The following BNC2 variants were observed in gnomAD, a reference collection of about 807,000 sequenced individuals.
BNC2 encodes basonuclin zinc finger protein 2.
In BNC2, 20 loss-of-function variants were observed where a neutral mutation model predicts 76.3. The ratio of observed to expected loss-of-function variants is 0.26; its 90% CI spans 0.18 to 0.38. The LOEUF (loss-of-function observed/expected upper bound fraction) is 0.38. Among genes scored for constraint, BNC2 ranks in the 10% least tolerant of loss-of-function variants. BNC2 has a pLI of 1.00. For missense variants in BNC2, 1,382 were observed against 1,399.8 expected, an observed-to-expected ratio of 0.99 and a Z score of 0.20; for synonymous variants, 582 against 514.8, an observed-to-expected ratio of 1.13 and a Z score of -1.77.
chr9:16,639,509 T>C (rs1821425339), intron 3 of BNC2, among the ~76,000 whole-genome samples: 1 of 152,200 alleles, frequency 6.6e-6, no homozygotes. Flanking sequence ...CTATTATCTT[T>C]ATGTTAGTGC....
At chr9:16,813,223 A>G (rs1818096799) in intron 1 of BNC2, among the ~76,000 whole-genome samples, 1 of 151,958 alleles carries the variant, frequency 6.6e-6, no homozygotes, top group Admixed American at 6.6e-5. Context: ...CTAAAGGTCT[A>G]TATACCCACA....
intron 1 of BNC2, among the ~76,000 whole-genome samples, chr9:16,782,104 A>G (rs1208895650): frequency 1.3e-5 from 2 of 151,920 alleles, no homozygotes; most frequent in Non-Finnish European, 1.5e-5. Flanking sequence ...GGCCAACATG[A>G]GGAAACCCCA....
At chr9:16,512,723 A>G (rs1455009338) in intron 5 of BNC2, among the ~76,000 whole-genome samples, 1 of 152,212 alleles carries the variant, frequency 6.6e-6, no homozygotes, top group Non-Finnish European at 1.5e-5. Context: ...TTTTGATATA[A>G]AAGTATCATT....
intron 3 of BNC2, among the ~76,000 whole-genome samples, chr9:16,700,718 G>C (rs1271951637): frequency 6.6e-6 from 1 of 152,094 alleles, no homozygotes; most frequent in Non-Finnish European, 1.5e-5. Context: ...CCAGCCCTTT[G>C]GGAGGCTGAT....
intron 1 of BNC2, among the ~76,000 whole-genome samples, chr9:16,811,237 A>AC (rs1554740547): frequency 6.9e-6 from 1 of 145,340 alleles, no homozygotes; most frequent in Admixed American, 6.8e-5. Context: ...GACCAAAAAA[A>AC]AAAAAAACCA....
At chr9:16,695,285 A>G (rs912785074) in intron 3 of BNC2, among the ~76,000 whole-genome samples, 12 of 152,054 alleles carry the variant, frequency 7.9e-5, no homozygotes, top group African/African-American at 2.7e-4. Flanking sequence ...TTAAAATAAT[A>G]CCATTTTCTT....
At chr9:16,503,280 G>C (rs137996649) in intron 5 of BNC2, among the ~76,000 whole-genome samples, 161 of 152,224 alleles carry the variant, frequency 1.1e-3, no homozygotes, top group African/African-American at 3.6e-3. Context: ...AGGATATTTT[G>C]AGGGTCAAAA....
At chr9:16,432,562 C>T (rs1219979354) in intron 6 of BNC2, among the ~76,000 whole-genome samples, 1 of 152,292 alleles carries the variant, frequency 6.6e-6, no homozygotes, top group East Asian at 1.9e-4. Context: ...AGTCTGCTTT[C>T]GTAAACAGAA....
intron 3 of BNC2, among the ~76,000 whole-genome samples, chr9:16,593,670 TTTAACAA>T (rs541531953): frequency 1.3e-3 from 192 of 152,242 alleles, no homozygotes; most frequent in Non-Finnish European, 2.1e-3. Context: ...TTACCTAACA[TTTAACAA>T]TTAAGATACT....
intron 5 of BNC2, among the ~76,000 whole-genome samples, chr9:16,502,626 C>A (rs1822545058): frequency 1.3e-5 from 2 of 152,154 alleles, no homozygotes; most frequent in South Asian, 4.1e-4. Flanking sequence ...TTTCTGTCTG[C>A]TCAGATTTAG....
intron 5 of BNC2, among the ~76,000 whole-genome samples, chr9:16,477,612 T>A (rs184228284): frequency 3.8e-4 from 58 of 152,374 alleles, no homozygotes; most frequent in African/African-American, 1.3e-3. Context: ...ACATTTAATA[T>A]ATCTAGACTA....
chr9:16,419,671 G>A (rs746033740), intron 6 of BNC2, 22 bp from the exon 7 acceptor site: 4 of 622,986 alleles, frequency 6.4e-6, no homozygotes, highest in Middle Eastern at 3.0e-4. Flanking sequence ...AGAGGGAAGG[G>A]GGGGTACGTG....
intron 1 of BNC2, among the ~76,000 whole-genome samples, chr9:16,839,856 A>C (rs1818787659): frequency 6.6e-6 from 1 of 152,214 alleles, no homozygotes; most frequent in Non-Finnish European, 1.5e-5. Context: ...GCATGTACCT[A>C]CGTACAAACA....
intron 3 of BNC2, among the ~76,000 whole-genome samples, chr9:16,597,399 G>A (rs1035988400): frequency 1.4e-4 from 22 of 152,250 alleles, no homozygotes; most frequent in African/African-American, 4.6e-4. Context: ...CAGTTGTACA[G>A]TGAAATTTTA....
chr9:16,473,808 G>C (rs1027862209), intron 5 of BNC2, among the ~76,000 whole-genome samples: 2 of 152,184 alleles, frequency 1.3e-5, no homozygotes, highest in Non-Finnish European at 1.5e-5. Flanking sequence ...AGGAGGCGGA[G>C]GTTGCAGTGA....
intron 3 of BNC2, among the ~76,000 whole-genome samples, chr9:16,649,193 C>G (rs1427302854): frequency 6.6e-6 from 1 of 152,202 alleles, no homozygotes; most frequent in Non-Finnish European, 1.5e-5. Flanking sequence ...AGGACGGACT[C>G]ACGGGCCCCA....
At chr9:16,647,000 G>A (rs925102608) in intron 3 of BNC2, among the ~76,000 whole-genome samples, 1 of 152,128 alleles carries the variant, frequency 6.6e-6, no homozygotes, top group Non-Finnish European at 1.5e-5. Flanking sequence ...AGACATGAGA[G>A]AGCAAGTTAA....
In BNC2 at chr9:16,419,295, G is replaced by A; in HGVS notation, c.2994C>T (p.Asp998=). 1 of 1,614,072 alleles carries A rather than the reference G, an allele frequency of 6.2e-7. No individual in the cohort carries two copies. The highest frequency in any genetic ancestry group is 8.5e-7 in the Non-Finnish European group (1 of 1,179,950). ...ILLDDIDGAS[D]SGESAHKAEA... is the part of the protein sequence containing the mutation. ...CGGCCTTGTGTGCCGACTCCCCACT[G>A]TCACTCGCCCCGTCAATGTCATCGA... Residue 998 remains aspartate, a synonymous_variant, in exon 7 of 7, where the codon GAC becomes GAT. Transcript: ENST00000380672.
chr9:16,771,490 T>C (rs988689657), intron 1 of BNC2, among the ~76,000 whole-genome samples: 1 of 152,228 alleles, frequency 6.6e-6, no homozygotes, highest in Non-Finnish European at 1.5e-5. Context: ...AGATATGTGT[T>C]CATTTTCATC....
Sources: allele counts gnomAD v4.1 joint callset (sites outside exome capture counted in the v4.1 genomes callset), GRCh38; gene constraint gnomAD v4.1.1; transcripts MANE v1.5; gene names NCBI Gene and HGNC (gene_info 2026-07-23, HGNC 2026-07-21).